The following SYNPR variants were observed in gnomAD, a reference collection of about 807,000 sequenced individuals.
SYNPR encodes the protein synaptoporin.
Under a neutral mutation model 32.9 loss-of-function variants are expected in SYNPR, and 23 were observed. The observed-to-expected ratio is 0.70, with a 90% CI of 0.50 to 0.99. The LOEUF is 0.99. Ranked by LOEUF, SYNPR falls within the 50% of genes least tolerant of loss-of-function variation. The pLI, the probability that SYNPR is intolerant of heterozygous loss-of-function variation, is 0.00. For synonymous variants in SYNPR, 146 were observed against 135.9 expected (o/e 1.07, Z -0.52); for missense variants, 318 against 349.3 (o/e 0.91, Z 0.71).
chr3:63,421,932 A>G (rs1182712854), intron 2 of SYNPR, among the ~76,000 whole-genome samples: 2 of 152,114 alleles, frequency 1.3e-5, no homozygotes, highest in East Asian at 1.9e-4. Flanking sequence ...GACTTTTAGA[A>G]CCTCTTTTAA....
chr3:63,241,886 A>G (rs2086246970), intron 1 of SYNPR, among the ~76,000 whole-genome samples: 1 of 152,094 alleles, frequency 6.6e-6, no homozygotes, highest in African/African-American at 2.4e-5. Flanking sequence ...AAGTTTTTGG[A>G]TCATGTCACA....
chr3:63,425,740 T>A (rs1699880101), intron 2 of SYNPR, among the ~76,000 whole-genome samples: 2 of 151,848 alleles, frequency 1.3e-5, no homozygotes, highest in South Asian at 4.1e-4. Context: ...CACTTATTCA[T>A]GGAATTATTA....
chr3:63,450,765 C>A (rs915286508), intron 2 of SYNPR, among the ~76,000 whole-genome samples: 2 of 152,160 alleles, frequency 1.3e-5, no homozygotes, highest in Admixed American at 6.5e-5. Flanking sequence ...GTCACACATG[C>A]TCCTGAGCTT....
intron 2 of SYNPR, among the ~76,000 whole-genome samples, chr3:63,463,750 C>T (rs1228708798): frequency 1.3e-5 from 2 of 152,146 alleles, no homozygotes; most frequent in African/African-American, 4.8e-5. Flanking sequence ...CACCAGCCCA[C>T]AGATACTCCT....
At chr3:63,352,724 T>C (rs1367136401) in intron 2 of SYNPR, among the ~76,000 whole-genome samples, 2 of 152,088 alleles carry the variant, frequency 1.3e-5, no homozygotes, top group Non-Finnish European at 2.9e-5. Flanking sequence ...TGACTCACAG[T>C]TCCACATGGC....
chr3:63,202,666 A>G, the SYNPR span, among the ~76,000 whole-genome samples: 1 of 152,174 alleles, frequency 6.6e-6, no homozygotes, highest in African/African-American at 2.4e-5. Context: ...GGTAATCCCA[A>G]CTATGTTTGG....
chr3:63,544,247 C>T (rs1040007791), intron 3 of SYNPR, among the ~76,000 whole-genome samples: 5 of 152,098 alleles, frequency 3.3e-5, no homozygotes, highest in East Asian at 3.9e-4. Flanking sequence ...TATGTGCTGA[C>T]GATAAAGGGT....
chr3:63,220,785 A>G, the SYNPR span, among the ~76,000 whole-genome samples: 36 of 152,112 alleles, frequency 2.4e-4, no homozygotes, highest in African/African-American at 7.9e-4. Context: ...TGCAGGTCCC[A>G]CCCATTTAAG....
At chr3:63,209,757 T>TAC in the SYNPR span, among the ~76,000 whole-genome samples, 7 of 152,214 alleles carry the variant, frequency 4.6e-5, no homozygotes, top group Non-Finnish European at 8.8e-5. Flanking sequence ...GTCTCTAACT[T>TAC]ACACACGCTC....
At chr3:63,485,169 T>A (rs956818606) in intron 3 of SYNPR, among the ~76,000 whole-genome samples, 1 of 151,724 alleles carries the variant, frequency 6.6e-6, no homozygotes, top group South Asian at 2.1e-4. Flanking sequence ...TGAAGAGAGG[T>A]CACCAAGAGA....
chr3:63,278,483 C>G lies in SYNPR; in HGVS notation c.-51C>G, dbSNP rs1409937523. The stretch of plus-strand genomic sequence containing the variant: ...CCTGAGGACGGTGGTGCCAAGCGAA[C>G]TTCATTTTTAAAAAGAACTGGTGGA... On this transcript the variant is annotated 5_prime_UTR_variant, in exon 1 of 6. Coordinates refer to ENST00000478300, the MANE Select transcript of SYNPR (RefSeq NM_001130003.2). The G allele has an allele frequency of 3.9e-6, 6 of 1,534,822 alleles. No individual in the cohort carries two copies. Among genetic ancestry groups the G allele is most frequent in the Admixed American group, 2.0e-5 (1 of 48,844 alleles).
Position 63,551,614 on chromosome 3 carries a change from T to C in SYNPR, c.210-4929T>C, listed in dbSNP as rs1702501226. ...TCCAATCTTATACTCTTTCTTTTTATAGCCACCCTAGTGGATGTGAAGTAG... is the reference window on the plus strand; with the variant it reads ...TCCAATCTTATACTCTTTCTTTTTACAGCCACCCTAGTGGATGTGAAGTAG... On this transcript the variant is annotated intron_variant, in intron 3 of 5. Coordinates refer to ENST00000478300, the MANE Select transcript of SYNPR (RefSeq NM_001130003.2). 1.3e-5 allele frequency among the ~76,000 whole-genome samples: 2 copies of C among 152,234 alleles called. 1 individual carries two copies. The highest frequency in any genetic ancestry group is 4.1e-4 in the South Asian group (2 of 4,826).
At chr3:63,351,453 G>C (rs2087509279) in intron 2 of SYNPR, 1 of 152,126 alleles carries the variant, frequency 6.6e-6, no homozygotes, top group Non-Finnish European at 1.5e-5. Context: ...AAAGATTCTT[G>C]GTTCTTTGTT....
chr3:63,584,235 T>G (rs1441729399), intron 4 of SYNPR, among the ~76,000 whole-genome samples: 1 of 152,096 alleles, frequency 6.6e-6, no homozygotes, highest in Non-Finnish European at 1.5e-5. Context: ...AAGAGCCTTG[T>G]GTGGTGAGAA....
intron 4 of SYNPR, among the ~76,000 whole-genome samples, chr3:63,563,556 GTCT>G (rs1214494534): frequency 1.3e-5 from 2 of 151,794 alleles, no homozygotes; most frequent in Non-Finnish European, 2.9e-5. Context: ...ATTCCCCTCT[GTCT>G]TCTTCTCCTT....
chr3:63,607,482 A>T (rs1700141094), intron 4 of SYNPR, among the ~76,000 whole-genome samples: 1 of 152,198 alleles, frequency 6.6e-6, no homozygotes, highest in African/African-American at 2.4e-5. Flanking sequence ...TTGCTTGTTT[A>T]TACCTCTACC....
intron 2 of SYNPR, among the ~76,000 whole-genome samples, chr3:63,301,047 T>C (rs781518697): frequency 6.6e-6 from 1 of 152,152 alleles, no homozygotes; most frequent in African/African-American, 2.4e-5. Flanking sequence ...AAAAGAGAAC[T>C]GGATTTGAAA....
intron 2 of SYNPR, among the ~76,000 whole-genome samples, chr3:63,442,186 T>C (rs1700190228): frequency 1.4e-5 from 2 of 140,952 alleles, no homozygotes; most frequent in Admixed American, 7.0e-5. Context: ...TGTGTGTGTG[T>C]GCACGCATGA....
chr3:63,359,129 T>C (rs1038374381), intron 2 of SYNPR, among the ~76,000 whole-genome samples: 1 of 152,174 alleles, frequency 6.6e-6, no homozygotes, highest in African/African-American at 2.4e-5. Flanking sequence ...TACCAGAAAC[T>C]GTGCTGGGCT....
Sources: allele counts gnomAD v4.1 joint callset (sites outside exome capture counted in the v4.1 genomes callset), GRCh38; gene constraint gnomAD v4.1.1; transcripts MANE v1.5; gene names NCBI Gene and HGNC (gene_info 2026-07-23, HGNC 2026-07-21).